Variants in TRHDE observed in about 807,000 individuals in gnomAD.
TRHDE encodes thyrotropin releasing hormone degrading enzyme.
TRHDE carries 72 observed loss-of-function variants against 125.7 expected under a neutral mutation model. That is an observed-to-expected ratio of 0.57 (90% CI 0.47 to 0.70). The LOEUF (loss-of-function observed/expected upper bound fraction) is 0.70, where lower values mean the gene tolerates loss of function less well. Ranked by LOEUF, TRHDE falls within the 30% of genes least tolerant of loss-of-function variation. TRHDE has a pLI of 0.00. For missense variants in TRHDE, 1,110 were observed against 1,327.1 expected (o/e 0.84, Z 2.54); for synonymous variants, 509 against 509.1 (o/e 1.00, Z 0.00).
chr12:72,306,451 A>G (rs1330050273), intron 2 of TRHDE, among the ~76,000 whole-genome samples: 1 of 152,202 alleles, frequency 6.6e-6, no homozygotes, highest in African/African-American at 2.4e-5. Context: ...ACTGAACCAT[A>G]TAAGACAGAC....
intron 6 of TRHDE, among the ~76,000 whole-genome samples, chr12:72,524,399 A>C (rs558248191): frequency 2.0e-5 from 3 of 152,204 alleles, no homozygotes; most frequent in Non-Finnish European, 2.9e-5. Context: ...TTCAGTTACC[A>C]AGCCCATGCC....
intron 2 of TRHDE, among the ~76,000 whole-genome samples, chr12:72,190,625 G>A (rs1200675386): frequency 6.6e-6 from 1 of 152,162 alleles, no homozygotes; most frequent in African/African-American, 2.4e-5. Flanking sequence ...ATGTAAAATT[G>A]TTTGTATCCA....
At chr12:72,307,379 T>C (rs1355459444) in intron 2 of TRHDE, among the ~76,000 whole-genome samples, 1 of 151,538 alleles carries the variant, frequency 6.6e-6, no homozygotes, top group Non-Finnish European at 1.5e-5. Flanking sequence ...TTTTTCCACT[T>C]GGCCAGGCTG....
At chr12:72,220,178 T>G (rs1877974409) in intron 2 of TRHDE, among the ~76,000 whole-genome samples, 7 of 152,160 alleles carry the variant, frequency 4.6e-5, no homozygotes, top group Admixed American at 2.0e-4. Flanking sequence ...CTTATATGAC[T>G]TGGATTGCAT....
intron 2 of TRHDE, among the ~76,000 whole-genome samples, chr12:72,298,477 T>G (rs1346863018): frequency 6.6e-6 from 1 of 152,220 alleles, no homozygotes; most frequent in Admixed American, 6.5e-5. Flanking sequence ...TGTTTTTATT[T>G]TTTGACTTTC....
At chr12:72,516,094 T>A (rs1878845023) in intron 6 of TRHDE, among the ~76,000 whole-genome samples, 1 of 151,892 alleles carries the variant, frequency 6.6e-6, no homozygotes, top group Non-Finnish European at 1.5e-5. Context: ...TCCAGCTTTG[T>A]TCTTTTGGCT....
Position 72,504,105 on chromosome 12 carries a change from C to T in TRHDE, c.1722+4470C>T, listed in dbSNP as rs151252811. On this transcript the variant is annotated intron_variant, in intron 6 of 18. Transcript: ENST00000261180. ...CAGAAATATATACAAGATACAGTCACGAGACAGGGGAGTAGAGGGGAACTG... is the reference window on the plus strand; with the variant it reads ...CAGAAATATATACAAGATACAGTCATGAGACAGGGGAGTAGAGGGGAACTG... Among the ~76,000 whole-genome samples the T allele has an allele frequency of 3.9e-5, 6 of 151,998 alleles. No individual in the cohort carries two copies. In the East Asian group the frequency reaches 1.2e-3, roughly 29 times the overall value.
intron 3 of TRHDE, among the ~76,000 whole-genome samples, chr12:72,402,178 C>T (rs552317116): frequency 1.6e-4 from 25 of 151,848 alleles, no homozygotes; most frequent in Non-Finnish European, 2.9e-4. Flanking sequence ...CTAGGGGTGT[C>T]CAATCTTTTG....
At chr12:72,303,506 A>C (rs901007643) in intron 2 of TRHDE, among the ~76,000 whole-genome samples, 3 of 152,028 alleles carry the variant, frequency 2.0e-5, no homozygotes, top group African/African-American at 7.2e-5. Flanking sequence ...TCACCTGGGG[A>C]CTTTTTTTCA....
At chr12:72,606,319 A>G (rs1872441438) in intron 12 of TRHDE, among the ~76,000 whole-genome samples, 1 of 152,170 alleles carries the variant, frequency 6.6e-6, no homozygotes. Context: ...TTTGTCCCTA[A>G]GGGGAAAATG....
intron 15 of TRHDE, among the ~76,000 whole-genome samples, chr12:72,651,496 ATGT>A (rs1014738104): frequency 6.6e-6 from 1 of 152,074 alleles, no homozygotes; most frequent in Non-Finnish European, 1.5e-5. Flanking sequence ...AGATTAGTGA[ATGT>A]TGAAAAAAAG....
At chr12:72,226,389 T>C (rs1878128517) in intron 2 of TRHDE, among the ~76,000 whole-genome samples, 1 of 152,220 alleles carries the variant, frequency 6.6e-6, no homozygotes, top group Non-Finnish European at 1.5e-5. Flanking sequence ...TCCTTGCTGT[T>C]CACATTCTCA....
rs1877150151 is a variant in TRHDE at position 72,481,152 on chromosome 12, T to G, written c.1584+7972T>G. On this transcript the variant is annotated intron_variant, in intron 5 of 18. Coordinates refer to ENST00000261180, the MANE Select transcript of TRHDE (RefSeq NM_013381.3). ...CATCCTTAACCAGACAGCTATATGT[T>G]TTAAAAGACATTAGAACACAACTCA... Among the ~76,000 whole-genome samples, 3 of 151,982 alleles carry G rather than the reference T, an allele frequency of 2.0e-5. No individual in the cohort carries two copies. The South Asian group carries it at 6.2e-4, about 32-fold the overall frequency.
chr12:72,213,556 G>T (rs1334575082), intron 2 of TRHDE, among the ~76,000 whole-genome samples: 1 of 152,036 alleles, frequency 6.6e-6, no homozygotes, highest in Non-Finnish European at 1.5e-5. Context: ...CTAGAACAGG[G>T]ATATTAAATC....
At chr12:72,349,556 G>T (rs948541963) in intron 2 of TRHDE, among the ~76,000 whole-genome samples, 1 of 147,556 alleles carries the variant, frequency 6.8e-6, no homozygotes, top group Non-Finnish European at 1.5e-5. Flanking sequence ...TTTTTTGGGC[G>T]GGGGGGTGGT....
chr12:72,416,639 T>C (rs878939486), intron 3 of TRHDE, among the ~76,000 whole-genome samples: 1 of 152,114 alleles, frequency 6.6e-6, no homozygotes, highest in African/African-American at 2.4e-5. Context: ...AGAGTGTCCT[T>C]TCTCCAAAGT....
chr12:72,372,581 G>A (rs1341561723), intron 2 of TRHDE, among the ~76,000 whole-genome samples: 6 of 152,190 alleles, frequency 3.9e-5, no homozygotes, highest in African/African-American at 7.2e-5. Flanking sequence ...GTGTAAGGAA[G>A]AGATCCAGTT....
Position 72,525,850 on chromosome 12 carries a change from A to G in TRHDE, c.1723-16441A>G, listed in dbSNP as rs552967517. 5.3e-5 allele frequency among the ~76,000 whole-genome samples: 8 copies of G among 152,226 alleles called. No homozygotes were observed. The South Asian group carries it at 1.0e-3, about 20-fold the overall frequency. The stretch of plus-strand genomic sequence containing the variant: ...TCAACTACTTTTTGAAAAACAATCT[A>G]CATATACCATTAGTGATTAATGCCA... On this transcript the variant is annotated intron_variant, in intron 6 of 18. Transcript: ENST00000261180.
At chr12:72,155,577 A>G (rs943950394) in intron 2 of TRHDE, among the ~76,000 whole-genome samples, 2 of 151,990 alleles carry the variant, frequency 1.3e-5, no homozygotes, top group Non-Finnish European at 2.9e-5. Context: ...TTTGGTGTGG[A>G]TGTCCTTTCT....
Sources: allele counts gnomAD v4.1 joint callset (sites outside exome capture counted in the v4.1 genomes callset), GRCh38; gene constraint gnomAD v4.1.1; transcripts MANE v1.5; gene names NCBI Gene and HGNC (gene_info 2026-07-23, HGNC 2026-07-21).